PCDHA5: variants seen among roughly 807,000 people sequenced by gnomAD.
PCDHA5 encodes the protein protocadherin alpha 5.
In PCDHA5, 43 loss-of-function variants were observed where a neutral mutation model predicts 61.6. The observed-to-expected ratio is 0.70, with a 90% CI of 0.55 to 0.90. The LOEUF is 0.90. Among genes scored for constraint, PCDHA5 ranks in the 40% least tolerant of loss-of-function variants. The pLI, the probability that PCDHA5 is intolerant of heterozygous loss-of-function variation, is 0.00. For missense variants in PCDHA5, 1,298 were observed against 1,222.7 expected (o/e 1.06, Z -0.92); for synonymous variants, 627 against 543.9 (o/e 1.15, Z -2.13).
chr5:140,863,639 A>C, intron 1 of PCDHA5: 2 of 305,014 alleles, frequency 6.6e-6, no homozygotes, highest in South Asian at 6.1e-5. Context: ...ATGTTCACCA[A>C]GTTATTAATT....
intron 1 of PCDHA5, among the ~76,000 whole-genome samples, chr5:140,954,835 A>G (rs1256515583): frequency 1.3e-5 from 2 of 152,146 alleles, no homozygotes; most frequent in Admixed American, 6.5e-5. Flanking sequence ...TTTTGTCATG[A>G]AATCTTTGCC....
chr5:140,928,572 C>T, intron 1 of PCDHA5: 1 of 1,614,200 alleles, frequency 6.2e-7, no homozygotes, highest in Non-Finnish European at 8.5e-7. Flanking sequence ...TTCCCTTGCC[C>T]AGAAATGGTT....
At chr5:140,856,595 A>G in intron 1 of PCDHA5, 1 of 1,597,868 alleles carries the variant, frequency 6.3e-7, no homozygotes. Context: ...TGATATTATA[A>G]ACAAAAAAGA....
intron 1 of PCDHA5, chr5:140,877,122 G>C: frequency 2.5e-6 from 4 of 1,613,718 alleles, no homozygotes; most frequent in Non-Finnish European, 3.4e-6. Context: ...GCAACGTGAC[G>C]CTGCAGGTGT....
intron 3 of PCDHA5, among the ~76,000 whole-genome samples, chr5:141,007,109 GA>G (rs1473367544): frequency 6.6e-6 from 1 of 152,138 alleles, no homozygotes; most frequent in Non-Finnish European, 1.5e-5. Flanking sequence ...CAAACCCAAG[GA>G]AGCTTCAACA....
Position 140,835,798 on chromosome 5 carries a change from G to C in PCDHA5, c.2352+11671G>C, listed in dbSNP as rs2150245143. 6.8e-6 allele frequency: 11 copies of C among 1,612,744 alleles called. No individual in the cohort carries two copies. Among genetic ancestry groups the C allele is most frequent in the Middle Eastern group, 1.9e-4 (1 of 5,380 alleles). ...GTGAAGGAGAACAACCCGCCGGGCT[G>C]CCACATCTTCACTGTGTCGGCGGGG... On this transcript the variant is annotated intron_variant, in intron 1 of 3. Coordinates refer to ENST00000529859, the MANE Select transcript of PCDHA5 (RefSeq NM_018908.3).
chr5:140,927,299 T>C, intron 1 of PCDHA5: 4 of 1,614,086 alleles, frequency 2.5e-6, no homozygotes, highest in Middle Eastern at 1.6e-4. Context: ...ATCCCCGAGT[T>C]CCTGACGCCC....
In PCDHA5 at chr5:140,851,118, T is replaced by C. The variant is rs1554145256; in HGVS notation, c.2352+26991T>C. Reference sequence around the variant, plus strand: ...TATTTTTTGGGTGCTGAATCAATTTTATTTAAATTTGTGATTAAAGTGACA... The same window carrying C: ...TATTTTTTGGGTGCTGAATCAATTTCATTTAAATTTGTGATTAAAGTGACA... On this transcript the variant is annotated intron_variant, in intron 1 of 3. Transcript: ENST00000529859. 5 of 1,307,406 alleles carry C rather than the reference T, an allele frequency of 3.8e-6. No individual in the cohort carries two copies. The East Asian group carries it at 1.3e-4, about 35-fold the overall frequency. The allele number at this position is 1,307,406 out of a possible 1,614,324, so 81.0% of individuals were successfully genotyped here.
chr5:140,929,085 G>A, intron 1 of PCDHA5: 1 of 1,614,174 alleles, frequency 6.2e-7, no homozygotes, highest in Non-Finnish European at 8.5e-7. Flanking sequence ...GAAGTAAGAT[G>A]GTTTCAAATC....
At chr5:141,005,689 G>A (rs980293858) in intron 3 of PCDHA5, among the ~76,000 whole-genome samples, 12 of 95,950 alleles carry the variant, frequency 1.3e-4, no homozygotes, top group African/African-American at 4.3e-4. Context: ...GCGACAGAGC[G>A]AAACTCCGTC....
chr5:141,009,606 T>C (rs2098413036), intron 3 of PCDHA5, 21 bp from the exon 4 acceptor site: 1 of 1,609,858 alleles, frequency 6.2e-7, no homozygotes, highest in Non-Finnish European at 8.5e-7. Flanking sequence ...TGTTAATGAT[T>C]TGTAATGTTT....
chr5:140,911,187 G>A (rs911666410), intron 1 of PCDHA5, among the ~76,000 whole-genome samples: 1 of 152,102 alleles, frequency 6.6e-6, no homozygotes, highest in Non-Finnish European at 1.5e-5. Context: ...TGTGGGTTGG[G>A]GAGGACATGT....
At position 140,978,793 on chromosome 5, in the gene PCDHA5, A is replaced by G. The variant is rs1241254692; in HGVS notation, c.2353-156A>G. 4.1e-6 allele frequency: 4 copies of G among 977,674 alleles called. No individual in the cohort carries two copies. In the African/African-American group the frequency reaches 7.0e-5, roughly 17 times the overall value. The allele number at this position is 977,674 out of a possible 1,614,324, so 60.6% of individuals were successfully genotyped here. On this transcript the variant is annotated intron_variant, in intron 1 of 3. Coordinates refer to ENST00000529859, the MANE Select transcript of PCDHA5 (RefSeq NM_018908.3). ...CTAATTTTCTTCTAAAGTGCTATAT[A>G]TGTAGATATCATCATAGAGTTACAC... is the stretch of plus-strand genomic sequence containing the variant.
intron 1 of PCDHA5, among the ~76,000 whole-genome samples, chr5:140,944,227 G>A (rs1472509213): frequency 6.6e-6 from 1 of 152,046 alleles, no homozygotes; most frequent in Non-Finnish European, 1.5e-5. Flanking sequence ...TTACTCTGTC[G>A]CTCAGGCTGG....
intron 1 of PCDHA5, among the ~76,000 whole-genome samples, chr5:140,931,278 T>G (rs1488323710): frequency 1.3e-5 from 2 of 152,174 alleles, no homozygotes; most frequent in Non-Finnish European, 2.9e-5. Context: ...TCTTTTATTT[T>G]CATTGCTTTC....
intron 1 of PCDHA5, chr5:140,828,396 G>T (rs1769734688): frequency 1.2e-6 from 2 of 1,614,160 alleles, no homozygotes; most frequent in South Asian, 1.1e-5. Context: ...AGCGCGGAGT[G>T]CAGCATCCAC....
At chr5:140,884,954 T>C (rs2060416589) in intron 1 of PCDHA5, among the ~76,000 whole-genome samples, 1 of 152,208 alleles carries the variant, frequency 6.6e-6, no homozygotes, top group Non-Finnish European at 1.5e-5. Context: ...TTACAAAAAA[T>C]TCCTCACGTT....
intron 1 of PCDHA5, among the ~76,000 whole-genome samples, chr5:140,838,607 T>C (rs1389543577): frequency 1.3e-5 from 2 of 152,052 alleles, no homozygotes; most frequent in Non-Finnish European, 2.9e-5. Flanking sequence ...GTCTAGACTT[T>C]TAAAAATTTT....
At chr5:140,994,125 C>T (rs1007264886) in intron 3 of PCDHA5, among the ~76,000 whole-genome samples, 6 of 152,044 alleles carry the variant, frequency 3.9e-5, no homozygotes, top group African/African-American at 9.7e-5. Flanking sequence ...GTGATAAGGG[C>T]GACAATAATG....
Sources: gnomAD v4.1 joint callset for allele counts (sites outside exome capture counted in the v4.1 genomes callset) on GRCh38, gnomAD v4.1.1 for gene constraint, MANE v1.5 for transcripts, NCBI Gene and HGNC (gene_info 2026-07-23, HGNC 2026-07-21) for gene names.